Variants in TRIM22 observed in about 807,000 individuals in gnomAD.
TRIM22 encodes tripartite motif containing 22.
In TRIM22, 45 loss-of-function variants were observed where a neutral mutation model predicts 53.6. That is an observed-to-expected ratio of 0.84 (90% CI 0.66 to 1.08). The LOEUF is 1.08. Among genes scored for constraint, TRIM22 ranks in the 50% least tolerant of loss-of-function variants. The probability of loss-of-function intolerance (pLI) is 0.00; values close to 1 mark genes in which losing one functional copy is unlikely to be tolerated. For missense variants in TRIM22, 616 were observed against 590.9 expected (o/e 1.04, Z -0.44); for synonymous variants, 225 against 216.6 (o/e 1.04, Z -0.34).
intron 1 of TRIM22, among the ~76,000 whole-genome samples, chr11:5,694,470 T>A (rs1853224963): frequency 6.6e-6 from 1 of 152,218 alleles, no homozygotes; most frequent in South Asian, 2.1e-4. Context: ...TCTGGATCTC[T>A]CCATTTCTAT....
intron 4 of TRIM22, among the ~76,000 whole-genome samples, chr11:5,706,068 G>A (rs1174442946): frequency 2.6e-5 from 4 of 152,102 alleles, no homozygotes; most frequent in South Asian, 2.1e-4. Flanking sequence ...TAGGGCAAAC[G>A]TATTTCGCTG....
intron 4 of TRIM22, among the ~76,000 whole-genome samples, chr11:5,699,415 T>TCGGG (rs1376596995): frequency 7.0e-6 from 1 of 142,938 alleles, no homozygotes; most frequent in Non-Finnish European, 1.5e-5. Context: ...TCCCAGCTAC[T>TCGGG]CGGGAGGCTG....
At chr11:5,693,593 G>A (rs993242042) in intron 1 of TRIM22, among the ~76,000 whole-genome samples, 3 of 151,602 alleles carry the variant, frequency 2.0e-5, no homozygotes, top group South Asian at 2.1e-4. Flanking sequence ...TGTGGTGGCG[G>A]GCGCCTGTAG....
At chr11:5,700,120 T>C (rs1039574367) in intron 4 of TRIM22, among the ~76,000 whole-genome samples, 1 of 152,018 alleles carries the variant, frequency 6.6e-6, no homozygotes, top group Admixed American at 6.5e-5. Flanking sequence ...TATGGTTTTT[T>C]TTTTTTGGTG....
Position 5,696,389 on chromosome 11 carries a change from G to C in TRIM22, c.157G>C (p.Glu53Gln). 1 of 1,614,240 alleles carries C rather than the reference G, an allele frequency of 6.2e-7. No individual in the cohort carries two copies. Among genetic ancestry groups the C allele is most frequent in the Non-Finnish European group, 8.5e-7 (1 of 1,180,046 alleles). Residue 53 changes from glutamate to glutamine, a missense_variant, in exon 2 of 8, where the codon GAA (glutamate) becomes CAA (glutamine). Physicochemically the swap from Glu to Gln is conservative, Grantham distance 29 (BLOSUM62 2). Transcript: ENST00000379965. ...IKESVIISRG[E>Q]SSCPVCQTRF... ...GGAGTCAGTGATCATCTCAAGAGGGGAAAGCAGCTGTCCTGTGTGTCAGAC... is the reference window on the plus strand; with the variant it reads ...GGAGTCAGTGATCATCTCAAGAGGGCAAAGCAGCTGTCCTGTGTGTCAGAC...
Position 5,691,505 on chromosome 11 carries a change from G to A in TRIM22, c.-67+1606G>A, listed in dbSNP as rs997023286. ...TGTGGCCCCGGGCTGTCTGCTTGTG[G>A]ATTTCATTTCTGCCTTTTAGTTTTT... is the stretch of plus-strand genomic sequence containing the variant. On this transcript the variant is annotated intron_variant, in intron 1 of 7. Transcript: ENST00000379965. Among the ~76,000 whole-genome samples the A allele has an allele frequency of 5.9e-5, 9 of 152,316 alleles. No homozygotes were observed. The East Asian group carries it at 1.5e-3, about 26-fold the overall frequency.
intron 4 of TRIM22, among the ~76,000 whole-genome samples, chr11:5,701,960 C>T (rs75338262): frequency 0.07 from 10,646 of 151,530 alleles, 510 homozygotes; most frequent in African/African-American, 0.13. Context: ...TTTTCCCTTC[C>T]TCTCTTTTTC....
chr11:5,706,747 A>G (rs1366480157), intron 5 of TRIM22, 131 bp downstream of exon 5: 1 of 927,382 alleles, frequency 1.1e-6, no homozygotes, highest in Admixed American at 2.7e-5. Flanking sequence ...ATTGTCCCAA[A>G]TTGCTAGTCA....
At chr11:5,705,128 G>A (rs762024857) in intron 4 of TRIM22, among the ~76,000 whole-genome samples, 38 of 152,162 alleles carry the variant, frequency 2.5e-4, no homozygotes, top group Non-Finnish European at 5.0e-4. Flanking sequence ...ATGTTACTCA[G>A]TTCTGGCAAA....
At chr11:5,690,318 GTT>G (rs1853152887) in intron 1 of TRIM22, among the ~76,000 whole-genome samples, 1 of 152,188 alleles carries the variant, frequency 6.6e-6, no homozygotes, top group South Asian at 2.1e-4. Context: ...GAGGAAGAAA[GTT>G]TTTATTCCTG....
chr11:5,699,329 C>A lies in TRIM22; in HGVS notation c.750+784C>A, dbSNP rs907457021. Among the ~76,000 whole-genome samples, 11 of 128,326 alleles carry A rather than the reference C, an allele frequency of 8.6e-5. 1 individual carries two copies. The highest frequency in any genetic ancestry group is 2.2e-4 in the African/African-American group (6 of 27,108). The allele number at this position is 128,326 out of a possible 152,430, so 84.2% of individuals were successfully genotyped here. A position where few individuals can be genotyped will look rare whatever the true frequency, so the allele number is the denominator to read the frequency against. On this transcript the variant is annotated intron_variant, in intron 4 of 7. Transcript: ENST00000379965. ...CATGAGGTCAGGAGATCGAGACCAT[C>A]CTGGCTAACAAGGTGAAACCCCGTC...
At position 5,698,323 on chromosome 11, in the gene TRIM22, C is replaced by A. The variant is rs1351049795; in HGVS notation, c.528C>A (p.Ile176=). 1 of 1,613,794 alleles carries A rather than the reference C, an allele frequency of 6.2e-7. No individual in the cohort carries two copies. Among genetic ancestry groups the A allele is most frequent in the Non-Finnish European group, 8.5e-7 (1 of 1,179,804 alleles). The part of the protein sequence containing the change: ...RQERTAWKNY[I]QIERQKILKG... The stretch of plus-strand genomic sequence containing the variant: ...CTCTTTTCATTCCCAAGAATTATAT[C>A]CAGATCGAGAGACAGAAGATTCTGA... The change falls in exon 4 of 8, where the codon ATC becomes ATA. Residue 176 remains isoleucine (I), a synonymous_variant. Transcript: ENST00000379965.
At chr11:5,697,205 AG>A (rs1245638111) in intron 2 of TRIM22, 42 bp from the exon 3 acceptor site, 2 of 1,479,370 alleles carry the variant, frequency 1.4e-6, no homozygotes, top group South Asian at 2.5e-5. Context: ...TCAGGTGCTG[AG>A]AAAGCTCATA....
chr11:5,697,112 A>T (rs1282474606), intron 2 of TRIM22, 136 bp from the exon 3 acceptor site: 1 of 626,230 alleles, frequency 1.6e-6, no homozygotes, highest in Non-Finnish European at 2.7e-6. Context: ...CCCCCATGCC[A>T]TAGGTTCTAA....
chr11:5,707,903 T>C (rs796612076), intron 5 of TRIM22, among the ~76,000 whole-genome samples: 44 of 152,202 alleles, frequency 2.9e-4, no homozygotes, highest in African/African-American at 1.0e-3. Flanking sequence ...GGGTTAATTA[T>C]TGCATTTTAA....
intron 4 of TRIM22, among the ~76,000 whole-genome samples, chr11:5,705,998 A>G (rs1432775093): frequency 6.6e-6 from 1 of 152,190 alleles, no homozygotes. Context: ...GCAACAGTAC[A>G]CTTCTTAAGG....
intron 1 of TRIM22, chr11:5,691,083 G>T (rs1334899592): frequency 6.6e-6 from 1 of 152,268 alleles, no homozygotes; most frequent in African/African-American, 2.4e-5. Flanking sequence ...GTCTCTGAAG[G>T]TCCAGTCACA....
At chr11:5,707,584 C>T (rs930691869) in intron 5 of TRIM22, among the ~76,000 whole-genome samples, 6 of 152,258 alleles carry the variant, frequency 3.9e-5, no homozygotes, top group South Asian at 2.1e-4. Context: ...CCGAGGCAGG[C>T]GGATCACTTG....
chr11:5,693,174 A>G (rs1163691966), intron 1 of TRIM22, among the ~76,000 whole-genome samples: 1 of 144,252 alleles, frequency 6.9e-6, no homozygotes, highest in Non-Finnish European at 1.5e-5. Context: ...GGCTTGAGCC[A>G]CAGCGCCTGG....
Sources: gnomAD v4.1 joint callset for allele counts (sites outside exome capture counted in the v4.1 genomes callset) on GRCh38, gnomAD v4.1.1 for gene constraint, MANE v1.5 for transcripts, NCBI Gene and HGNC (gene_info 2026-07-23, HGNC 2026-07-21) for gene names.